Variants in SLC16A7 observed in about 807,000 individuals in gnomAD.
SLC16A7 encodes the protein solute carrier family 16 member 7, also known as monocarboxylate transporter 2.
A neutral mutation model predicts 34.9 loss-of-function variants in SLC16A7; 33 were observed. That is an observed-to-expected ratio of 0.94 (90% CI 0.72 to 1.26). The LOEUF (loss-of-function observed/expected upper bound fraction) is 1.26. Among genes scored for constraint, SLC16A7 ranks in the 50% most tolerant of loss-of-function variants. The probability of loss-of-function intolerance (pLI) is 0.00; values close to 1 mark genes in which losing one functional copy is unlikely to be tolerated. For missense variants in SLC16A7, 573 were observed against 578.1 expected, an observed-to-expected ratio of 0.99 and a Z score of 0.09; for synonymous variants, 201 against 206.6, an observed-to-expected ratio of 0.97 and a Z score of 0.23.
At chr12:59,770,251 C>G (rs1046129688) in intron 3 of SLC16A7, among the ~76,000 whole-genome samples, 16 of 152,106 alleles carry the variant, frequency 1.1e-4, no homozygotes, top group African/African-American at 3.9e-4. Context: ...AAACCTTCTT[C>G]CCTTTCACTA....
intron 2 of SLC16A7, among the ~76,000 whole-genome samples, chr12:59,703,341 C>G (rs950170512): frequency 1.3e-5 from 2 of 151,930 alleles, no homozygotes; most frequent in African/African-American, 2.4e-5. Flanking sequence ...CCTACGTTGT[C>G]TAATAGAATG....
chr12:59,772,626 G>A (rs1391210471), intron 4 of SLC16A7, among the ~76,000 whole-genome samples: 1 of 152,044 alleles, frequency 6.6e-6, no homozygotes, highest in East Asian at 1.9e-4. Flanking sequence ...GACAGATCTA[G>A]CATTTAAACT....
At chr12:59,637,233 G>T (rs1880469151) in intron 1 of SLC16A7, among the ~76,000 whole-genome samples, 1 of 152,096 alleles carries the variant, frequency 6.6e-6, no homozygotes, top group African/African-American at 2.4e-5. Context: ...TTTTTAAAAA[G>T]TACCTAAATT....
intron 1 of SLC16A7, among the ~76,000 whole-genome samples, chr12:59,610,441 G>A (rs923467542): frequency 6.6e-6 from 1 of 152,106 alleles, no homozygotes; most frequent in Non-Finnish European, 1.5e-5. Flanking sequence ...TATTGAATTA[G>A]GGTTACATTT....
intron 1 of SLC16A7, among the ~76,000 whole-genome samples, chr12:59,648,620 A>C (rs1298862140): frequency 3.3e-5 from 5 of 152,184 alleles, no homozygotes; most frequent in African/African-American, 1.2e-4. Context: ...AGAGAAAAAA[A>C]GTGAGGCTAA....
chr12:59,775,582 C>T (rs1006318515), intron 5 of SLC16A7, 107 bp downstream of exon 5: 2 of 779,168 alleles, frequency 2.6e-6, no homozygotes, highest in African/African-American at 3.5e-5. Flanking sequence ...TACTAATAGC[C>T]TGAAGGAATA....
Position 59,623,046 on chromosome 12 carries a change from CTGTGTGTGTGTGTGTGTGTGTGTGTG to C in SLC16A7, c.-130+26832_-130+26857del, listed in dbSNP as rs57399813. On this transcript the variant is annotated intron_variant, in intron 1 of 5. Coordinates refer to ENST00000547379, the MANE Select transcript of SLC16A7 (RefSeq NM_001270623.2). Reference sequence around the variant, plus strand: ...ATAAATAGCATTTCCCTACTGAATGCTGTGTGTGTGTGTGTGTGTGTGTGTGTGTGTGTGTGTGTGTGTGTGTCTGT... The same window carrying C: ...ATAAATAGCATTTCCCTACTGAATGCTGTGTGTGTGTGTGTGTGTGTCTGT... 5.2e-5 allele frequency among the ~76,000 whole-genome samples: 7 copies of C among 135,004 alleles called. No individual in the cohort carries two copies. In the East Asian group the frequency reaches 1.3e-3, roughly 25 times the overall value. The allele number at this position is 135,004 out of a possible 152,430, so 88.6% of individuals were successfully genotyped here. A position where few individuals can be genotyped will look rare whatever the true frequency, so the allele number is the denominator to read the frequency against.
intron 2 of SLC16A7, among the ~76,000 whole-genome samples, chr12:59,704,472 G>A (rs867669766): frequency 4.1e-4 from 63 of 152,174 alleles, no homozygotes; most frequent in African/African-American, 1.4e-3. Flanking sequence ...TATGACTGAT[G>A]TATAATGTAA....
chr12:59,701,099 T>C (rs1478760347), intron 2 of SLC16A7, among the ~76,000 whole-genome samples: 1 of 151,766 alleles, frequency 6.6e-6, no homozygotes, highest in Non-Finnish European at 1.5e-5. Context: ...ATTTTTTCTC[T>C]TCAAAAATGT....
intron 5 of SLC16A7, among the ~76,000 whole-genome samples, chr12:59,776,020 C>G (rs752083421): frequency 2.5e-4 from 38 of 152,208 alleles, no homozygotes; most frequent in Non-Finnish European, 4.1e-4. Context: ...AAAATTTATT[C>G]ACAGTTTTTT....
chr12:59,762,460 G>A (rs1881119415), intron 3 of SLC16A7, among the ~76,000 whole-genome samples: 1 of 151,996 alleles, frequency 6.6e-6, no homozygotes, highest in Non-Finnish European at 1.5e-5. Context: ...TGTTGCTTGT[G>A]TATTATTTAT....
At chr12:59,764,957 A>G (rs1182486248) in intron 3 of SLC16A7, among the ~76,000 whole-genome samples, 9 of 152,126 alleles carry the variant, frequency 5.9e-5, no homozygotes, top group Admixed American at 5.2e-4. Context: ...CAACAGTGTG[A>G]AAGTGTTTCT....
intron 3 of SLC16A7, among the ~76,000 whole-genome samples, chr12:59,707,646 A>C (rs1172061673): frequency 6.6e-6 from 1 of 152,128 alleles, no homozygotes; most frequent in Admixed American, 6.6e-5. Context: ...AGGGTGATAG[A>C]TGAATAAAAT....
chr12:59,627,705 C>A (rs543905432), intron 1 of SLC16A7, among the ~76,000 whole-genome samples: 1 of 151,498 alleles, frequency 6.6e-6, no homozygotes, highest in East Asian at 2.0e-4. Context: ...TTTCTATTAC[C>A]CAACACTATT....
In SLC16A7 at chr12:59,622,393, C is replaced by T. The variant is rs141922331; in HGVS notation, c.-130+26157C>T. ...CTTCAATTATCTTTTATTTCATCAA[C>T]GAGAATGAAGCACCTCATGAATCTT... On this transcript the variant is annotated intron_variant, in intron 1 of 5. Transcript: ENST00000547379. Among the ~76,000 whole-genome samples the T allele has an allele frequency of 1.9e-3, 291 of 151,860 alleles. 2 individuals are homozygous for T. Among genetic ancestry groups the T allele is most frequent in the African/African-American group, 6.7e-3 (277 of 41,488 alleles).
intron 3 of SLC16A7, among the ~76,000 whole-genome samples, chr12:59,749,479 C>G (rs1879259497): frequency 6.6e-6 from 1 of 152,152 alleles, no homozygotes; most frequent in Non-Finnish European, 1.5e-5. Flanking sequence ...AAGTGGTCTA[C>G]TTGCCCCCAT....
chr12:59,704,414 A>G (rs1873304315), intron 2 of SLC16A7, among the ~76,000 whole-genome samples: 1 of 152,064 alleles, frequency 6.6e-6, no homozygotes, highest in African/African-American at 2.4e-5. Flanking sequence ...AATGAGGTTA[A>G]AACAACTGGT....
chr12:59,650,064 G>A (rs1868315509), intron 1 of SLC16A7, among the ~76,000 whole-genome samples: 1 of 151,924 alleles, frequency 6.6e-6, no homozygotes, highest in Non-Finnish European at 1.5e-5. Flanking sequence ...TTAGTGTTTA[G>A]GATTTATATA....
chr12:59,656,642 T>C (rs1214769328), intron 2 of SLC16A7, among the ~76,000 whole-genome samples: 1 of 152,014 alleles, frequency 6.6e-6, no homozygotes, highest in Non-Finnish European at 1.5e-5. Flanking sequence ...GGTTGTTTGT[T>C]ACAGCAGCAA....
Sources: allele counts gnomAD v4.1 joint callset (sites outside exome capture counted in the v4.1 genomes callset), GRCh38; gene constraint gnomAD v4.1.1; transcripts MANE v1.5; gene names NCBI Gene and HGNC (gene_info 2026-07-23, HGNC 2026-07-21).